KIF24: variants seen among roughly 807,000 people sequenced by gnomAD.
The protein encoded by KIF24 is kinesin family member 24, also known as kinesin-like protein KIF24.
A neutral mutation model predicts 118.9 loss-of-function variants in KIF24; 81 were observed. The observed-to-expected ratio is 0.68, with a 90% CI of 0.57 to 0.82. The LOEUF (loss-of-function observed/expected upper bound fraction) is 0.82, where lower values mean the gene tolerates loss of function less well. Ranked by LOEUF, KIF24 falls within the 40% of genes least tolerant of loss-of-function variation. The pLI is 0.00. For synonymous variants in KIF24, 599 were observed against 610.0 expected, an observed-to-expected ratio of 0.98 and a Z score of 0.27; for missense variants, 1,560 against 1,661.6, an observed-to-expected ratio of 0.94 and a Z score of 1.06.
chr9:34,318,367 C>G lies in KIF24; in HGVS notation c.-25-6996G>C, dbSNP rs1837396955. 7 of 603,496 alleles carry G rather than the reference C, an allele frequency of 1.2e-5. No individual in the cohort carries two copies. The highest frequency in any genetic ancestry group is 1.1e-4 in the South Asian group (7 of 62,880). The allele number at this position is 603,496 out of a possible 1,614,324, so 37.4% of individuals were successfully genotyped here. On this transcript the variant is annotated intron_variant, in intron 1 of 12. Transcript: ENST00000402558. This position sits in a 1 kb window ranked among gnomAD's most constrained non-coding sequence, Gnocchi z 4.9. ...CCAACCCAGCTTGACCTAGCCCTGA[C>G]AGGTCCATCGTGGTGCACGCAAACC...
chr9:34,255,383 CAG>C (rs771418666), intron 11 of KIF24, among the ~76,000 whole-genome samples: 21 of 152,200 alleles, frequency 1.4e-4, no homozygotes, highest in African/African-American at 2.6e-4. Context: ...GGGAGGGAGA[CAG>C]GGGCTTCCCA....
rs1252653619 is a variant in KIF24 at position 34,254,417 on chromosome 9, C to A, written c.4070G>T (p.Gly1357Val). Residue 1357 changes from glycine (G) to valine (V), a missense_variant, in exon 13 of 13, where the codon GGG becomes GTG. Gly to Val is a moderately radical substitution (Grantham distance 109). Transcript: ENST00000402558. ...SQLQLYLTCH[G>V]PTAAPEGTVP... ...TGTTCCCTCAGGGGCTGCGGTGGGC[C>A]CGTGGCAGGTGAGATAGAGCTGCAG... is the stretch of plus-strand genomic sequence containing the variant. 6.2e-7 allele frequency: 1 copy of A among 1,613,744 alleles called. No individual in the cohort carries two copies. Among genetic ancestry groups the A allele is most frequent in the Admixed American group, 1.7e-5 (1 of 60,022 alleles).
chr9:34,274,769 T>A (rs10972034), intron 6 of KIF24, among the ~76,000 whole-genome samples: 1 of 15,078 alleles, frequency 6.6e-5, no homozygotes, highest in Non-Finnish European at 2.8e-4. Flanking sequence ...AAGGATGGAT[T>A]AAAAAAATGT....
intron 10 of KIF24, among the ~76,000 whole-genome samples, chr9:34,258,718 C>T (rs1834947446): frequency 6.6e-6 from 1 of 152,166 alleles, no homozygotes; most frequent in Admixed American, 6.5e-5. Flanking sequence ...GCAAACCACC[C>T]CCTTTCAGGC....
At chr9:34,254,874 T>C (rs1587904192) in intron 12 of KIF24, among the ~76,000 whole-genome samples, 198 bp downstream of exon 12, 1 of 151,920 alleles carries the variant, frequency 6.6e-6, no homozygotes, top group Non-Finnish European at 1.5e-5. Context: ...AAAAGGCGAG[T>C]GTTGCACCAT....
intron 8 of KIF24, among the ~76,000 whole-genome samples, chr9:34,263,629 T>G (rs1282143723): frequency 6.6e-6 from 1 of 152,134 alleles, no homozygotes; most frequent in Non-Finnish European, 1.5e-5. Flanking sequence ...CAAGCATAGA[T>G]TCAGATATAA....
chr9:34,266,592 C>T (rs1257527444), intron 8 of KIF24, among the ~76,000 whole-genome samples: 1 of 150,898 alleles, frequency 6.6e-6, no homozygotes, highest in Non-Finnish European at 1.5e-5. Flanking sequence ...GCAGGAGAAT[C>T]GCTTGAACCT....
At position 34,256,322 on chromosome 9, in the gene KIF24, T is replaced by C; in HGVS notation, c.3285A>G (p.Pro1095=). The C allele has an allele frequency of 6.2e-7, 1 of 1,613,414 alleles. No homozygotes were observed. The highest frequency in any genetic ancestry group is 8.5e-7 in the Non-Finnish European group (1 of 1,179,708). ...TGGPVVSHTV[P]SGDQEAALPV... ...GCAAGGCTGCCTCTTGATCACCAGA[T>C]GGCACTGTGTGGCTCACAACTGGGC... The change falls in exon 11 of 13, where the codon CCA becomes CCG. Residue 1095 remains proline (P), a synonymous_variant. Transcript: ENST00000402558.
At chr9:34,317,746 T>C (rs1001870746) in intron 1 of KIF24, among the ~76,000 whole-genome samples, 22 of 152,228 alleles carry the variant, frequency 1.4e-4, no homozygotes, top group Non-Finnish European at 3.2e-4. Context: ...TGTGTTCATG[T>C]AACCTTATTT....
upstream of KIF24, among the ~76,000 whole-genome samples, chr9:34,331,882 C>T (rs55708143): frequency 0.16 from 24,238 of 152,142 alleles, 2,349 homozygotes; most frequent in South Asian, 0.25. Flanking sequence ...TTTCTCTTTC[C>T]CTTGGCTTAT....
At chr9:34,300,042 CTG>C (rs1279434876) in intron 3 of KIF24, among the ~76,000 whole-genome samples, 3 of 152,086 alleles carry the variant, frequency 2.0e-5, no homozygotes, top group Non-Finnish European at 4.4e-5. Context: ...GGCCAATTTA[CTG>C]TGGGTCACTC....
chr9:34,305,763 T>C lies in KIF24; in HGVS notation c.813+489A>G, dbSNP rs1836889660. 2.6e-5 allele frequency among the ~76,000 whole-genome samples: 4 copies of C among 151,880 alleles called. No homozygotes were observed. The South Asian group carries it at 8.3e-4, about 32-fold the overall frequency. Reference sequence around the variant, plus strand: ...AGACTACAGGTACACACCACCATGCTGGGCTAGTTTTAAGATCTTTTCTGG... The same window carrying C: ...AGACTACAGGTACACACCACCATGCCGGGCTAGTTTTAAGATCTTTTCTGG... On this transcript the variant is annotated intron_variant, in intron 3 of 12. Coordinates refer to ENST00000402558, the MANE Select transcript of KIF24 (RefSeq NM_194313.4).
chr9:34,318,450 C>T lies in KIF24; in HGVS notation c.-25-7079G>A, dbSNP rs937734892. 1.4e-5 allele frequency: 10 copies of T among 726,322 alleles called. No homozygotes were observed. The highest frequency in any genetic ancestry group is 2.2e-5 in the Non-Finnish European group (9 of 406,244). The allele number at this position is 726,322 out of a possible 1,614,324, so 45.0% of individuals were successfully genotyped here. ...AGCGCCTTCTGCCTCCTGGCGGTGG[C>T]CTTGGCGACCGAGGTGAAGAAACCT... On this transcript the variant is annotated intron_variant, in intron 1 of 12. Transcript: ENST00000402558. This position sits in a 1 kb window ranked among gnomAD's most constrained non-coding sequence, Gnocchi z 4.9.
upstream of KIF24, among the ~76,000 whole-genome samples, chr9:34,332,689 C>T (rs1313919314): frequency 6.6e-6 from 1 of 152,190 alleles, no homozygotes; most frequent in African/African-American, 2.4e-5. Context: ...TGTTTCCTCC[C>T]TCAGCCAATA....
Position 34,269,304 on chromosome 9 carries a change from T to C in KIF24, c.1396A>G (p.Arg466Gly). 1 of 1,612,150 alleles carries C rather than the reference T, an allele frequency of 6.2e-7. No homozygotes were observed. The highest frequency in any genetic ancestry group is 8.5e-7 in the Non-Finnish European group (1 of 1,178,622). ...TCTGCACCTTCCATCTTTGTCTGTC[T>C]ATCTGAGTCCCTTGCATCTGCTGCT... ...ERAADARDSD[R>G]QTKMEGAEIN... Residue 466 changes from arginine to glycine, a missense_variant, in exon 8 of 13, where the codon AGA becomes GGA. By Grantham distance (125) the Arg-to-Gly change is moderately radical (BLOSUM62 -2). Around this residue, in one of 3 missense-constraint regions of KIF24, gnomAD observed 964 missense variants for 988.0 expected, o/e 0.98. Transcript: ENST00000402558.
At chr9:34,317,387 TAAA>T (rs34841457) in intron 1 of KIF24, among the ~76,000 whole-genome samples, 1 of 144,918 alleles carries the variant, frequency 6.9e-6, no homozygotes, top group East Asian at 2.0e-4. Flanking sequence ...GAGACTGTCT[TAAA>T]AAAAAAAAAA....
intron 7 of KIF24, among the ~76,000 whole-genome samples, chr9:34,270,712 C>T (rs776459695): frequency 3.3e-5 from 5 of 151,128 alleles, no homozygotes; most frequent in Non-Finnish European, 7.4e-5. Context: ...CTCACCTTGC[C>T]CTCCCAAAGT....
At chr9:34,303,342 T>G (rs966365443) in intron 3 of KIF24, among the ~76,000 whole-genome samples, 1 of 152,120 alleles carries the variant, frequency 6.6e-6, no homozygotes, top group Non-Finnish European at 1.5e-5. Context: ...TAAAAAAGTA[T>G]GTGTATTATT....
chr9:34,301,883 A>C (rs1468122217), intron 3 of KIF24, among the ~76,000 whole-genome samples: 2 of 152,018 alleles, frequency 1.3e-5, no homozygotes, highest in Non-Finnish European at 2.9e-5. Flanking sequence ...AAATATAGAG[A>C]ATAGAGAAGA....
Sources: gnomAD v4.1 joint callset for allele counts (sites outside exome capture counted in the v4.1 genomes callset) on GRCh38, gnomAD v4.1.1 for gene constraint, gnomAD v4.1.1 regional missense constraint, Gnocchi (gnomAD v3.1) non-coding constraint, MANE v1.5 for transcripts, NCBI Gene and HGNC (gene_info 2026-07-23, HGNC 2026-07-21) for gene names.